The following AP3D1 variants were observed in gnomAD, a reference collection of about 807,000 sequenced individuals.
AP3D1 encodes adaptor related protein complex 3 subunit delta 1.
AP3D1 carries 51 observed loss-of-function variants against 147.6 expected under a neutral mutation model. The ratio of observed to expected loss-of-function variants is 0.35; its 90% CI spans 0.28 to 0.44. The LOEUF is 0.44. Among genes scored for constraint, AP3D1 ranks in the 20% least tolerant of loss-of-function variants. The pLI, the probability that AP3D1 is intolerant of heterozygous loss-of-function variation, is 1.00. For synonymous variants in AP3D1, 760 were observed against 663.0 expected (o/e 1.15, Z -2.25); for missense variants, 1,421 against 1,624.2 (o/e 0.87, Z 2.15).
intron 4 of AP3D1, chr19:2,133,528 C>A (rs1462744441): frequency 6.7e-6 from 1 of 150,240 alleles, no homozygotes; most frequent in Admixed American, 6.6e-5. Flanking sequence ...TTTTTTGAGA[C>A]GAGTCTCACT....
chr19:2,103,055 G>GTTCACCCTCC (rs1395680562), intron 31 of AP3D1, among the ~76,000 whole-genome samples: 1 of 151,708 alleles, frequency 6.6e-6, no homozygotes, highest in African/African-American at 2.4e-5. Context: ...GCCCAGGAGG[G>GTTCACCCTCC]TGAAGTTGCA....
rs774593681 is a variant in AP3D1 at position 2,115,211 on chromosome 19, A to G, written c.2349+8T>C. ...CATCCTAGGACCGGGACCTCCAGCG[A>G]GGCTGACCTCAGGCATCTCCTCTGT... On this transcript the variant is annotated splice_region_variant and intron_variant, in intron 20 of 31. Transcript: ENST00000643116. 1.1e-5 allele frequency: 17 copies of G among 1,611,042 alleles called. 1 individual carries two copies. Among genetic ancestry groups the G allele is most frequent in the East Asian group, 6.7e-5 (3 of 44,824 alleles).
At chr19:2,104,377 C>T (rs1001397257) in intron 31 of AP3D1, among the ~76,000 whole-genome samples, 59 of 134,838 alleles carry the variant, frequency 4.4e-4, no homozygotes, top group Admixed American at 1.2e-3. Context: ...CAGACCCCAA[C>T]GCCAAGGCAC....
At chr19:2,118,865 T>G (rs772456351) in intron 14 of AP3D1, 33 bp from the exon 15 acceptor site, 1 of 1,592,668 alleles carries the variant, frequency 6.3e-7, no homozygotes, top group Non-Finnish European at 8.6e-7. Flanking sequence ...GCCCCCAGGA[T>G]GCCAATCCCG....
At chr19:2,119,073 G>A (rs967849918) in intron 14 of AP3D1, among the ~76,000 whole-genome samples, 11 of 152,222 alleles carry the variant, frequency 7.2e-5, no homozygotes, top group Admixed American at 2.6e-4. Context: ...GGAAAGGTCA[G>A]AAGAGGAAAA....
Position 2,117,367 on chromosome 19 carries a change from C to T in AP3D1, c.1714G>A (p.Ala572Thr), listed in dbSNP as rs752671540. 80 of 1,596,384 alleles carry T rather than the reference C, an allele frequency of 5.0e-5. 2 individuals are homozygous for T. The Admixed American group carries it at 1.3e-3, about 26-fold the overall frequency. The part of the protein sequence containing the change: ...QSADLEVQER[A>T]SCILQLVKHI... ...TTGACCAGCTGCAGGATGCAGGACG[C>T]CTGTGGGGGACACAGGGGTCACTGC... The change falls in exon 16 of 32, where the codon GCG becomes ACG. Residue 572 changes from alanine to threonine, a missense_variant and splice_region_variant. Around this residue, in one of 6 missense-constraint regions of AP3D1, gnomAD observed 310 missense variants for 388.1 expected, o/e 0.80. Coordinates refer to ENST00000643116, the MANE Select transcript of AP3D1 (RefSeq NM_001261826.3).
rs773137316 is a variant in AP3D1, at chr19:2,129,110, G to A, written c.786C>T (p.Pro262=). ...EPRLGKKLIE[P]LTNLIHSTSA... is the part of the protein sequence containing the mutation. ...CTCACCTGTGGATGAGATTGGTGAG[G>A]GGCTCGATCAGCTTCTTGCCCAGCC... The change falls in exon 8 of 32, where the codon CCC becomes CCT. Residue 262 remains proline (P), a synonymous_variant. Transcript: ENST00000643116. The A allele has an allele frequency of 5.7e-6, 9 of 1,591,282 alleles. No individual in the cohort carries two copies. Among genetic ancestry groups the A allele is most frequent in the African/African-American group, 1.3e-5 (1 of 74,730 alleles).
chr19:2,121,251 C>T lies in AP3D1; in HGVS notation c.1162G>A (p.Glu388Lys). The T allele has an allele frequency of 6.2e-7, 1 of 1,614,230 alleles. No individual in the cohort carries two copies. The highest frequency in any genetic ancestry group is 8.5e-7 in the Non-Finnish European group (1 of 1,180,026). The stretch of plus-strand genomic sequence containing the variant: ...AGCTCGTCACGGTAGGTGGTACCCT[C>T]TGCCTTGTCTACGTGGGTCATCAGC... ...KKLMTHVDKAEGTTYRDELLT... is the reference protein window; with the variant it reads ...KKLMTHVDKAKGTTYRDELLT... Residue 388 changes from glutamate (E) to lysine (K), a missense_variant, in exon 13 of 32, where the codon GAG becomes AAG. This residue lies in a region of AP3D1 where 310 missense variants were observed against 388.1 expected (regional missense o/e 0.80). Coordinates refer to ENST00000643116, the MANE Select transcript of AP3D1 (RefSeq NM_001261826.3).
chr19:2,113,253 G>T, intron 23 of AP3D1, 83 bp downstream of exon 23: 1 of 767,112 alleles, frequency 1.3e-6, no homozygotes, highest in South Asian at 1.8e-5. Flanking sequence ...CAGGGCCTCA[G>T]GAGACCCAGG....
chr19:2,141,484 A>G (rs1292441706), intron 1 of AP3D1, among the ~76,000 whole-genome samples: 2 of 142,712 alleles, frequency 1.4e-5, no homozygotes, highest in Non-Finnish European at 3.0e-5. Context: ...ACCAGGCTGG[A>G]GTGCAGTGGT....
intron 12 of AP3D1, 75 bp from the exon 13 acceptor site, chr19:2,121,386 C>A: frequency 6.5e-7 from 1 of 1,535,182 alleles, no homozygotes. Context: ...CCAACACCTG[C>A]TCCTGAGACA....
chr19:2,142,389 A>T (rs2019245669), intron 1 of AP3D1, among the ~76,000 whole-genome samples: 1 of 151,922 alleles, frequency 6.6e-6, no homozygotes, highest in African/African-American at 2.4e-5. Flanking sequence ...GCCTCAAGTG[A>T]TCCTCCCACC....
Position 2,147,558 on chromosome 19 carries a change from A to G in AP3D1, c.96+3681T>C, listed in dbSNP as rs548436677. On this transcript the variant is annotated intron_variant, in intron 1 of 31. Transcript: ENST00000643116. ...GCAACACAGCGAGACTCTGACTTGGAAAAAAAACAAGAAGAAGAAAAAAAA... is the reference window on the plus strand; with the variant it reads ...GCAACACAGCGAGACTCTGACTTGGGAAAAAAACAAGAAGAAGAAAAAAAA... Among the ~76,000 whole-genome samples the G allele has an allele frequency of 1.9e-4, 28 of 149,858 alleles. No individual in the cohort carries two copies. The South Asian group carries it at 3.6e-3, about 19-fold the overall frequency.
intron 1 of AP3D1, among the ~76,000 whole-genome samples, chr19:2,158,192 A>T (rs974368083): frequency 2.0e-5 from 3 of 151,944 alleles, no homozygotes; most frequent in Non-Finnish European, 4.4e-5. Context: ...AGTAGCTGGG[A>T]CTACAGGCAC....
intron 10 of AP3D1, 100 bp downstream of exon 10, chr19:2,123,730 G>A (rs368233281): frequency 7.8e-6 from 11 of 1,411,360 alleles, no homozygotes; most frequent in East Asian, 2.5e-5. Flanking sequence ...GGCGTGGGGG[G>A]ACCAGCACCT....
chr19:2,113,425 A>T lies in AP3D1; in HGVS notation c.2602-12T>A. The T allele has an allele frequency of 6.9e-7, 1 of 1,453,354 alleles. No individual in the cohort carries two copies. Among genetic ancestry groups the T allele is most frequent in the Non-Finnish European group, 9.1e-7 (1 of 1,101,494 alleles). The allele number at this position is 1,453,354 out of a possible 1,614,324, so 90.0% of individuals were successfully genotyped here. Reference sequence around the variant, plus strand: ...TCCAGGTCCTCAGCCTGAAACCACAAGACAGGCTGTCAGCAAACGCAGTGC... The same window carrying T: ...TCCAGGTCCTCAGCCTGAAACCACATGACAGGCTGTCAGCAAACGCAGTGC... On this transcript the variant is annotated splice_polypyrimidine_tract_variant and intron_variant, in intron 22 of 31. Transcript: ENST00000643116.
At chr19:2,108,852 G>T in intron 30 of AP3D1, 86 bp from the exon 31 acceptor site, 3 of 1,448,436 alleles carry the variant, frequency 2.1e-6, no homozygotes, top group African/African-American at 1.4e-5. Context: ...TTCTTGGGCT[G>T]CCCTTGGCCA....
chr19:2,149,277 G>A lies in AP3D1; in HGVS notation c.96+1962C>T, dbSNP rs567085809. Among the ~76,000 whole-genome samples the A allele has an allele frequency of 1.4e-4, 21 of 152,348 alleles. No individual in the cohort carries two copies. The East Asian group carries it at 4.0e-3, about 29-fold the overall frequency. ...AAAATGTTTCCCAGCCGGGTGCAGTGGCTCACGCCTGTAATTCTAACACTC... is the reference window on the plus strand; with the variant it reads ...AAAATGTTTCCCAGCCGGGTGCAGTAGCTCACGCCTGTAATTCTAACACTC... On this transcript the variant is annotated intron_variant, in intron 1 of 31. Coordinates refer to ENST00000643116, the MANE Select transcript of AP3D1 (RefSeq NM_001261826.3).
At position 2,114,777 on chromosome 19, in the gene AP3D1, G is replaced by C. The variant is rs372268842; in HGVS notation, c.2394C>G (p.Pro798=). 1 of 1,613,914 alleles carries C rather than the reference G, an allele frequency of 6.2e-7. No homozygotes were observed. Among genetic ancestry groups the C allele is most frequent in the South Asian group, 1.1e-5 (1 of 91,066 alleles). ...CCAGGTCAATATCCAGAGCCCTGTA[G>C]GGGTCGTTGGGGTCTTTGTCATCCT... ...SDEDDKDPND[P]YRALDIDLDK... is the part of the protein sequence containing the mutation. The change falls in exon 21 of 32, where the codon CCC becomes CCG. Residue 798 remains proline (P), a synonymous_variant. Transcript: ENST00000643116.
Sources: gnomAD v4.1 joint callset for allele counts (sites outside exome capture counted in the v4.1 genomes callset) on GRCh38, gnomAD v4.1.1 for gene constraint, gnomAD v4.1.1 regional missense constraint, MANE v1.5 for transcripts, NCBI Gene and HGNC (gene_info 2026-07-23, HGNC 2026-07-21) for gene names.